Variants in KCND2 observed in about 807,000 individuals in gnomAD.
KCND2 encodes the protein potassium voltage-gated channel subfamily D member 2, also known as A-type voltage-gated potassium channel KCND2.
KCND2 carries 16 observed loss-of-function variants against 54.4 expected under a neutral mutation model. The observed-to-expected ratio is 0.29, with a 90% CI of 0.20 to 0.45. KCND2 has a LOEUF of 0.45. Among genes scored for constraint, KCND2 ranks in the 20% least tolerant of loss-of-function variants. The pLI is 1.00. For synonymous variants in KCND2, 317 were observed against 310.7 expected (o/e 1.02, Z -0.21); for missense variants, 486 against 824.2 (o/e 0.59, Z 5.02).
At chr7:120,395,287 T>C (rs1801137735) in intron 1 of KCND2, among the ~76,000 whole-genome samples, 1 of 152,092 alleles carries the variant, frequency 6.6e-6, no homozygotes, top group Admixed American at 6.6e-5. Flanking sequence ...TTATTTAATT[T>C]CAAACTCAGT....
intron 1 of KCND2, among the ~76,000 whole-genome samples, chr7:120,285,224 A>T (rs1439229653): frequency 6.6e-6 from 1 of 152,042 alleles, no homozygotes; most frequent in Non-Finnish European, 1.5e-5. Context: ...AGAATATTTT[A>T]TTGTCTTCAG....
At chr7:120,340,903 AAC>A (rs1272362819) in intron 1 of KCND2, among the ~76,000 whole-genome samples, 1 of 152,220 alleles carries the variant, frequency 6.6e-6, no homozygotes, top group Non-Finnish European at 1.5e-5. Context: ...GGAGAAGAAT[AAC>A]ATTTTTGTTT....
At chr7:120,455,564 G>A (rs10953915) in intron 1 of KCND2, among the ~76,000 whole-genome samples, 25,967 of 152,000 alleles carry the variant, frequency 0.17, 2,879 homozygotes, top group East Asian at 0.56. Context: ...TCATAATAGC[G>A]AAGACATGGA....
chr7:120,274,630 A>G lies in KCND2; in HGVS notation c.-3A>G, dbSNP rs1042127418. The G allele has an allele frequency of 3.7e-6, 6 of 1,614,016 alleles. No individual in the cohort carries two copies. Among genetic ancestry groups the G allele is most frequent in the East Asian group, 4.5e-5 (2 of 44,876 alleles). ...ACCCTTCTTCCTTCCGCTTCAAGTAATCATGGCGGCGGGGGTGGCAGCGTG... is the reference window on the plus strand; with the variant it reads ...ACCCTTCTTCCTTCCGCTTCAAGTAGTCATGGCGGCGGGGGTGGCAGCGTG... On this transcript the variant is annotated 5_prime_UTR_variant, in exon 1 of 6. Coordinates refer to ENST00000331113, the MANE Select transcript of KCND2 (RefSeq NM_012281.3).
intron 1 of KCND2, among the ~76,000 whole-genome samples, chr7:120,406,850 G>T (rs1408504821): frequency 6.6e-6 from 1 of 151,608 alleles, no homozygotes; most frequent in Non-Finnish European, 1.5e-5. Flanking sequence ...TCTGTATAGA[G>T]TAGAAAAACT....
intron 1 of KCND2, among the ~76,000 whole-genome samples, chr7:120,707,114 C>G (rs1792478412): frequency 6.6e-6 from 1 of 152,084 alleles, no homozygotes; most frequent in African/African-American, 2.4e-5. Flanking sequence ...CTATGACTAT[C>G]AGGAGAGAAC....
intron 1 of KCND2, among the ~76,000 whole-genome samples, chr7:120,490,101 G>GAATGACTGTT (rs1374902958): frequency 1.3e-5 from 2 of 152,108 alleles, no homozygotes; most frequent in Non-Finnish European, 2.9e-5. Flanking sequence ...TGTCTTCATA[G>GAATGACTGTT]CAACCCTGGG....
In KCND2 at chr7:120,609,889, A is replaced by G. The variant is rs574595526; in HGVS notation, c.1116-123014A>G. On this transcript the variant is annotated intron_variant, in intron 1 of 5. Coordinates refer to ENST00000331113, the MANE Select transcript of KCND2 (RefSeq NM_012281.3). ...CCCTTTTCTCACTCACCCTTTAACCATAAGTGAAGAACAGTATTAAATTAT... is the reference window on the plus strand; with the variant it reads ...CCCTTTTCTCACTCACCCTTTAACCGTAAGTGAAGAACAGTATTAAATTAT... Among the ~76,000 whole-genome samples the G allele has an allele frequency of 7.9e-5, 12 of 152,292 alleles. No homozygotes were observed. The East Asian group carries it at 1.7e-3, about 22-fold the overall frequency.
intron 1 of KCND2, among the ~76,000 whole-genome samples, chr7:120,711,111 A>G (rs1792531645): frequency 6.6e-6 from 1 of 152,112 alleles, no homozygotes; most frequent in African/African-American, 2.4e-5. Flanking sequence ...TACGAAATGT[A>G]GATGATATAT....
At chr7:120,298,284 A>G (rs1182740714) in intron 1 of KCND2, among the ~76,000 whole-genome samples, 1 of 152,186 alleles carries the variant, frequency 6.6e-6, no homozygotes. Flanking sequence ...TATGGTAAAC[A>G]GTCACCAAAA....
intron 1 of KCND2, among the ~76,000 whole-genome samples, chr7:120,495,233 T>C (rs1158514488): frequency 6.6e-6 from 1 of 152,200 alleles, no homozygotes; most frequent in Non-Finnish European, 1.5e-5. Flanking sequence ...TAATTCTGGT[T>C]GTTTTTAGGC....
At chr7:120,733,206 A>G in intron 2 of KCND2, 141 bp downstream of exon 2, 1 of 766,940 alleles carries the variant, frequency 1.3e-6, no homozygotes, top group East Asian at 2.7e-5. Flanking sequence ...TTCTACACTA[A>G]AAAGAAACGT....
At chr7:120,614,575 C>G (rs1792998109) in intron 1 of KCND2, among the ~76,000 whole-genome samples, 1 of 152,116 alleles carries the variant, frequency 6.6e-6, no homozygotes, top group Non-Finnish European at 1.5e-5. Context: ...ACACATATTC[C>G]TTTCTCACTT....
intron 1 of KCND2, among the ~76,000 whole-genome samples, chr7:120,434,652 T>C (rs994823541): frequency 1.3e-5 from 2 of 152,222 alleles, no homozygotes; most frequent in Admixed American, 6.5e-5. Flanking sequence ...GAAGAAATGG[T>C]TAAATCAAGA....
At chr7:120,560,095 A>G (rs1792214887) in intron 1 of KCND2, among the ~76,000 whole-genome samples, 1 of 152,194 alleles carries the variant, frequency 6.6e-6, no homozygotes, top group South Asian at 2.1e-4. Flanking sequence ...TTTTAAGCAA[A>G]CAGCATGTTG....
chr7:120,583,475 A>G (rs1792546118), intron 1 of KCND2, among the ~76,000 whole-genome samples: 1 of 152,164 alleles, frequency 6.6e-6, no homozygotes, highest in Admixed American at 6.6e-5. Flanking sequence ...ACTGGGTACT[A>G]TGAAAATCTA....
At chr7:120,396,281 C>A (rs1242571830) in intron 1 of KCND2, among the ~76,000 whole-genome samples, 2 of 151,900 alleles carry the variant, frequency 1.3e-5, no homozygotes, top group East Asian at 3.9e-4. Flanking sequence ...TCATTGAGGA[C>A]AATATGTGAG....
At chr7:120,551,758 C>T (rs947927146) in intron 1 of KCND2, among the ~76,000 whole-genome samples, 6 of 152,144 alleles carry the variant, frequency 3.9e-5, no homozygotes, top group African/African-American at 1.4e-4. Flanking sequence ...ATAGCCACAG[C>T]CTGTAACCTG....
chr7:120,604,510 CAATAATAATAAT>C lies in KCND2; in HGVS notation c.1116-128361_1116-128350del, dbSNP rs36229417. On this transcript the variant is annotated intron_variant, in intron 1 of 5. Transcript: ENST00000331113. ...AGAGCAAGACTCCATCTAAAAATAACAATAATAATAATAATAATAATAATAATAATAATAATA... is the reference window on the plus strand; with the variant it reads ...AGAGCAAGACTCCATCTAAAAATAACAATAATAATAATAATAATAATAATA... Among the ~76,000 whole-genome samples, 690 of 140,174 alleles carry C rather than the reference CAATAATAATAAT, an allele frequency of 4.9e-3. 2 individuals are homozygous for C. The highest frequency in any genetic ancestry group is 0.013 in the South Asian group (55 of 4,286). The allele number at this position is 140,174 out of a possible 152,430, so 92.0% of individuals were successfully genotyped here. A position where few individuals can be genotyped will look rare whatever the true frequency, so the allele number is the denominator to read the frequency against.
Sources: allele counts gnomAD v4.1 joint callset (sites outside exome capture counted in the v4.1 genomes callset), GRCh38; gene constraint gnomAD v4.1.1; transcripts MANE v1.5; gene names NCBI Gene and HGNC (gene_info 2026-07-23, HGNC 2026-07-21).